The following RBM6 variants were observed in gnomAD, a reference collection of about 807,000 sequenced individuals.
RBM6 encodes RNA-binding protein 6.
In RBM6, 23 loss-of-function variants were observed where a neutral mutation model predicts 140.4. The observed-to-expected ratio is 0.16, with a 90% CI of 0.12 to 0.23. The LOEUF is 0.23. Among genes scored for constraint, RBM6 ranks in the 10% least tolerant of loss-of-function variants. RBM6 has a pLI of 1.00. For missense variants in RBM6, 1,139 were observed against 1,386.7 expected, an observed-to-expected ratio of 0.82 and a Z score of 2.84; for synonymous variants, 439 against 475.6, an observed-to-expected ratio of 0.92 and a Z score of 1.00.
intron 4 of RBM6, among the ~76,000 whole-genome samples, chr3:49,973,459 A>ATTTTATATATATATAT (rs1230317533): frequency 2.2e-4 from 34 of 152,086 alleles, no homozygotes; most frequent in Non-Finnish European, 3.4e-4. Flanking sequence ...CCAGTACATC[A>ATTTTATATATATATAT]TTTTATATTT....
chr3:50,039,958 T>G (rs1255855230), intron 6 of RBM6, among the ~76,000 whole-genome samples: 1 of 151,864 alleles, frequency 6.6e-6, no homozygotes, highest in African/African-American at 2.4e-5. Flanking sequence ...GATCCCCTGG[T>G]AGGCACTGTT....
At chr3:49,993,743 A>C (rs1182910768) in intron 5 of RBM6, among the ~76,000 whole-genome samples, 2 of 152,020 alleles carry the variant, frequency 1.3e-5, no homozygotes, top group Non-Finnish European at 2.9e-5. Flanking sequence ...CTGAAGGAGA[A>C]ATAATTGAAA....
At chr3:49,987,234 G>C (rs567620059) in intron 5 of RBM6, among the ~76,000 whole-genome samples, 10 of 151,920 alleles carry the variant, frequency 6.6e-5, no homozygotes, top group African/African-American at 2.4e-4. Flanking sequence ...ACAGGCATGA[G>C]CCACCATGCC....
At chr3:49,971,562 G>A (rs1333587482) in intron 3 of RBM6, among the ~76,000 whole-genome samples, 2 of 151,050 alleles carry the variant, frequency 1.3e-5, no homozygotes, top group Admixed American at 1.3e-4. Flanking sequence ...TTTGAGACGG[G>A]GGTCTCGCTC....
rs761044762 is a variant in RBM6, at chr3:49,967,665, A to C, written c.240A>C (p.Gly80=). 6.2e-7 allele frequency: 1 copy of C among 1,613,926 alleles called. No individual in the cohort carries two copies. Among genetic ancestry groups the C allele is most frequent in the East Asian group, 2.2e-5 (1 of 44,890 alleles). Reference sequence around the variant, plus strand: ...CTTTCAGCTATGGAGCTAGAGACGGACCGCATGGTGACTATCGAGGAGGGG... The same window carrying C: ...CTTTCAGCTATGGAGCTAGAGACGGCCCGCATGGTGACTATCGAGGAGGGG... ...EHSFSYGARD[G]PHGDYRGGEG... is the part of the protein sequence containing the mutation. The change falls in exon 3 of 21, where the codon GGA becomes GGC. Residue 80 remains glycine, a synonymous_variant. Transcript: ENST00000266022. The surrounding 1 kb of genome is among the most constrained non-coding windows in gnomAD (Gnocchi z 4.0).
intron 6 of RBM6, among the ~76,000 whole-genome samples, chr3:50,020,142 G>A (rs2087402796): frequency 6.6e-6 from 1 of 151,966 alleles, no homozygotes; most frequent in African/African-American, 2.4e-5. Flanking sequence ...AGGCTGGTCT[G>A]GAACTCCTGG....
chr3:50,077,061 A>C lies in RBM6; in HGVS notation c.3300A>C (p.Lys1100Asn). The change falls in exon 21 of 21, where the codon AAA (lysine) becomes AAC (asparagine). Residue 1100 changes from lysine to asparagine, a missense_variant. Around this residue, in one of 9 missense-constraint regions of RBM6, gnomAD observed 125 missense variants for 142.0 expected, o/e 0.88. Coordinates refer to ENST00000266022, the MANE Select transcript of RBM6 (RefSeq NM_005777.3). Reference sequence around the variant, plus strand: ...TTGGAGCCTCAGGAAGAACCAGCAAAAGACAGTCCAACGAGACTTACCGAG... The same window carrying C: ...TTGGAGCCTCAGGAAGAACCAGCAACAGACAGTCCAACGAGACTTACCGAG... Reference protein sequence around the residue: ...PSVGASGRTSKRQSNETYRDA... With the variant: ...PSVGASGRTSNRQSNETYRDA... 6.2e-7 allele frequency: 1 copy of C among 1,613,248 alleles called. No individual in the cohort carries two copies. The highest frequency in any genetic ancestry group is 8.5e-7 in the Non-Finnish European group (1 of 1,179,900).
At chr3:50,006,068 C>CT (rs1298301345) in intron 6 of RBM6, among the ~76,000 whole-genome samples, 63 of 143,914 alleles carry the variant, frequency 4.4e-4, no homozygotes, top group East Asian at 2.9e-3. Context: ...CTGATTGAGA[C>CT]TTTTTTTTTT....
At chr3:50,069,917 T>G (rs1168327817) in intron 18 of RBM6, among the ~76,000 whole-genome samples, 1 of 152,154 alleles carries the variant, frequency 6.6e-6, no homozygotes. Context: ...TTCCCCTGCT[T>G]CTCAGAAGGG....
intron 3 of RBM6, among the ~76,000 whole-genome samples, chr3:49,971,514 A>G (rs2084792563): frequency 6.8e-6 from 1 of 147,206 alleles, no homozygotes; most frequent in African/African-American, 2.5e-5. Context: ...TTTACAGCCC[A>G]TTCTCCAGCT....
In RBM6 at chr3:49,967,821, T is replaced by C; in HGVS notation, c.396T>C (p.Pro132=). The part of the protein sequence containing the change: ...SGDFRDREGP[P]MDYRGGDGTS... ...ATTTTCGGGATAGAGAAGGACCACC[T>C]ATGGACTATAGGGGTGGAGATGGTA... Residue 132 remains proline, a synonymous_variant, in exon 3 of 21, where the codon CCT becomes CCC. Coordinates refer to ENST00000266022, the MANE Select transcript of RBM6 (RefSeq NM_005777.3). The surrounding 1 kb of genome is among the most constrained non-coding windows in gnomAD (Gnocchi z 4.0). 1 of 1,614,048 alleles carries C rather than the reference T, an allele frequency of 6.2e-7. No homozygotes were observed. The highest frequency in any genetic ancestry group is 8.5e-7 in the Non-Finnish European group (1 of 1,180,014).
chr3:49,974,441 G>C (rs1310439071), intron 4 of RBM6, among the ~76,000 whole-genome samples: 1 of 145,710 alleles, frequency 6.9e-6, no homozygotes, highest in Non-Finnish European at 1.5e-5. Flanking sequence ...GTGCGATCTT[G>C]GCTCACTGCA....
chr3:50,048,399 TAACA>T, intron 7 of RBM6, 80 bp downstream of exon 7: 1 of 1,547,788 alleles, frequency 6.5e-7, no homozygotes, highest in East Asian at 2.4e-5. Flanking sequence ...GGCTGCCTGC[TAACA>T]TGCATTCCCA....
chr3:49,994,304 C>T (rs1350856942), intron 5 of RBM6, among the ~76,000 whole-genome samples: 1 of 152,026 alleles, frequency 6.6e-6, no homozygotes, highest in Non-Finnish European at 1.5e-5. Context: ...CTCAAGTAAT[C>T]CTCCTACCTT....
chr3:50,056,383 C>G (rs1302856476), intron 8 of RBM6, among the ~76,000 whole-genome samples: 1 of 152,034 alleles, frequency 6.6e-6, no homozygotes, highest in African/African-American at 2.4e-5. Flanking sequence ...CAAGCTCTGC[C>G]TCCCAGGTTC....
intron 1 of RBM6, among the ~76,000 whole-genome samples, chr3:49,960,910 CTTTTT>C (rs1439558901): frequency 1.5e-5 from 2 of 132,270 alleles, no homozygotes; most frequent in African/African-American, 2.8e-5. Context: ...CCCAGAGTAC[CTTTTT>C]TTTTTTTTTT....
At chr3:50,050,939 GTACTT>G (rs2108887546) in intron 7 of RBM6, among the ~76,000 whole-genome samples, 1 of 151,942 alleles carries the variant, frequency 6.6e-6, no homozygotes, top group African/African-American at 2.4e-5. Flanking sequence ...AGTTATAAGA[GTACTT>G]TATATTTTCT....
At chr3:49,977,392 T>C (rs1246192075) in intron 5 of RBM6, among the ~76,000 whole-genome samples, 1 of 152,242 alleles carries the variant, frequency 6.6e-6, no homozygotes, top group African/African-American at 2.4e-5. Context: ...GGCAGTTGTT[T>C]TCCATCATAT....
intron 5 of RBM6, among the ~76,000 whole-genome samples, chr3:49,992,091 A>G (rs951163983): frequency 6.6e-6 from 1 of 151,996 alleles, no homozygotes; most frequent in Non-Finnish European, 1.5e-5. Context: ...AGCTGAGATT[A>G]CAGGTGTGTA....
Sources: allele counts gnomAD v4.1 joint callset (sites outside exome capture counted in the v4.1 genomes callset), GRCh38; gene constraint gnomAD v4.1.1; regional missense constraint gnomAD v4.1.1; non-coding constraint Gnocchi (gnomAD v3.1); transcripts MANE v1.5; gene names NCBI Gene and HGNC (gene_info 2026-07-23, HGNC 2026-07-21).